Variants in SLC24A2 observed in about 807,000 individuals in gnomAD.
The protein encoded by SLC24A2 is solute carrier family 24 member 2.
A neutral mutation model predicts 62.0 loss-of-function variants in SLC24A2; 36 were observed. That is an observed-to-expected ratio of 0.58 (90% CI 0.44 to 0.77). SLC24A2 has a LOEUF of 0.77. Ranked by LOEUF, SLC24A2 falls within the 30% of genes least tolerant of loss-of-function variation. The probability of loss-of-function intolerance (pLI) is 0.00; values close to 1 mark genes in which losing one functional copy is unlikely to be tolerated. For missense variants in SLC24A2, 846 were observed against 817.9 expected (o/e 1.03, Z -0.42); for synonymous variants, 358 against 294.0 (o/e 1.22, Z -2.23).
chr9:19,693,222 A>G (rs1015558027), intron 2 of SLC24A2, among the ~76,000 whole-genome samples: 11 of 152,156 alleles, frequency 7.2e-5, no homozygotes, highest in Non-Finnish European at 1.0e-4. Context: ...TCATGCTGCT[A>G]TAAAGACACA....
the SLC24A2 span, among the ~76,000 whole-genome samples, chr9:20,297,808 C>G: frequency 6.6e-6 from 1 of 152,346 alleles, no homozygotes; most frequent in South Asian, 2.1e-4. Flanking sequence ...TGTGTTTATA[C>G]TCCCAGGGAC....
intron 9 of SLC24A2, among the ~76,000 whole-genome samples, chr9:19,526,190 T>A (rs985369354): frequency 2.0e-5 from 3 of 152,250 alleles, no homozygotes; most frequent in African/African-American, 7.2e-5. Flanking sequence ...GTACTTCATT[T>A]CTTTGTACTG....
intron 4 of SLC24A2, among the ~76,000 whole-genome samples, chr9:19,605,890 G>A (rs1483759254): frequency 1.3e-5 from 2 of 152,276 alleles, no homozygotes; most frequent in African/African-American, 4.8e-5. Context: ...CAGCTAGTAA[G>A]AGGCAGAACT....
At chr9:20,292,820 G>A in the SLC24A2 span, among the ~76,000 whole-genome samples, 2 of 152,196 alleles carry the variant, frequency 1.3e-5, no homozygotes, top group African/African-American at 4.8e-5. Flanking sequence ...AAACTCCTGG[G>A]CTCAAGCAAT....
chr9:19,550,301 C>CA, intron 7 of SLC24A2, 33 bp from the exon 8 acceptor site: 2 of 1,609,700 alleles, frequency 1.2e-6, no homozygotes, highest in South Asian at 1.1e-5. Flanking sequence ...ATTAAACAAA[C>CA]AAAAAAATAA....
chr9:19,875,725 G>T, the SLC24A2 span, among the ~76,000 whole-genome samples: 12 of 152,286 alleles, frequency 7.9e-5, no homozygotes, highest in African/African-American at 2.9e-4. Flanking sequence ...TATAGTGGTT[G>T]CATCCAGTTG....
intron 4 of SLC24A2, among the ~76,000 whole-genome samples, chr9:19,597,510 C>A (rs1836733504): frequency 6.6e-6 from 1 of 152,160 alleles, no homozygotes; most frequent in African/African-American, 2.4e-5. Context: ...CCCTGCATTA[C>A]AGAATAGGGC....
chr9:19,571,146 T>C lies in SLC24A2; in HGVS notation c.1347+2205A>G, dbSNP rs377082734. 1.4e-4 allele frequency among the ~76,000 whole-genome samples: 21 copies of C among 152,244 alleles called. No individual in the cohort carries two copies. In the East Asian group the frequency reaches 2.7e-3, roughly 20 times the overall value. On this transcript the variant is annotated intron_variant, in intron 7 of 10. Transcript: ENST00000341998. ...TGTGCCATCCCCAAGGGCAGCCAGATGTCCTTGGGGCCTGCCTCCTGCTGC... is the reference window on the plus strand; with the variant it reads ...TGTGCCATCCCCAAGGGCAGCCAGACGTCCTTGGGGCCTGCCTCCTGCTGC...
intron 5 of SLC24A2, among the ~76,000 whole-genome samples, chr9:19,594,958 C>T (rs562222483): frequency 2.0e-5 from 3 of 152,200 alleles, no homozygotes; most frequent in African/African-American, 7.2e-5. Flanking sequence ...TGCAACTTTA[C>T]ATGGCTGGAT....
chr9:19,895,985 C>T, the SLC24A2 span: 14 of 1,594,042 alleles, frequency 8.8e-6, no homozygotes, highest in South Asian at 1.2e-4. Context: ...TGCTCAGGGA[C>T]ACAAGGTGCC....
intron 2 of SLC24A2, among the ~76,000 whole-genome samples, chr9:19,648,921 T>G (rs1818717899): frequency 6.8e-6 from 1 of 147,956 alleles, no homozygotes; most frequent in African/African-American, 2.5e-5. Flanking sequence ...AAAGCTGATT[T>G]CACTCAAACT....
At chr9:19,644,658 G>T (rs1341450681) in intron 2 of SLC24A2, among the ~76,000 whole-genome samples, 1 of 151,882 alleles carries the variant, frequency 6.6e-6, no homozygotes, top group Non-Finnish European at 1.5e-5. Context: ...TGTTTTCCTC[G>T]CTTGACCTTG....
At position 19,788,722 on chromosome 9, in the gene SLC24A2, G is replaced by T. The variant is rs1044650256; in HGVS notation, c.-154+163C>A. On this transcript the variant is annotated intron_variant, in intron 1 of 10. Coordinates refer to ENST00000341998, the MANE Select transcript of SLC24A2 (RefSeq NM_020344.4). ...GGGGGCTCCAAATCCACGCCCCGGA[G>T]CACAGAGAGTTGGCTAACTCCTAGC... 1.2e-4 allele frequency: 117 copies of T among 985,414 alleles called. 1 individual carries two copies. The East Asian group carries it at 2.5e-3, about 21-fold the overall frequency. The allele number at this position is 985,414 out of a possible 1,614,324, so 61.0% of individuals were successfully genotyped here.
chr9:19,534,164 T>TGG (rs914480041), intron 8 of SLC24A2, among the ~76,000 whole-genome samples: 2 of 152,128 alleles, frequency 1.3e-5, no homozygotes, highest in Non-Finnish European at 2.9e-5. Context: ...TAATCAGCTG[T>TGG]GGGGGGAAAA....
chr9:19,865,944 A>G, the SLC24A2 span, among the ~76,000 whole-genome samples: 1 of 152,244 alleles, frequency 6.6e-6, no homozygotes. Context: ...TTTGCAAACT[A>G]GCCATCTGAC....
At chr9:20,020,565 C>T in the SLC24A2 span, among the ~76,000 whole-genome samples, 2 of 151,998 alleles carry the variant, frequency 1.3e-5, no homozygotes, top group Admixed American at 6.6e-5. Flanking sequence ...ACACTGGGGC[C>T]TGTCAGCAGG....
At chr9:20,009,225 G>T in the SLC24A2 span, among the ~76,000 whole-genome samples, 1 of 151,962 alleles carries the variant, frequency 6.6e-6, no homozygotes, top group Admixed American at 6.6e-5. Flanking sequence ...TAACAGCAGG[G>T]CTATACCACC....
chr9:20,306,271 G>T, the SLC24A2 span, among the ~76,000 whole-genome samples: 3 of 152,084 alleles, frequency 2.0e-5, no homozygotes, highest in African/African-American at 7.2e-5. Context: ...AAATAACCAC[G>T]AAATTGGCAA....
In SLC24A2 at chr9:19,547,668, A is replaced by G. The variant is rs1248064326; in HGVS notation, c.1479+2469T>C. ...CCTGCACATCTTCCTGAGTGCCTCAATGGTTGTATGCAAACATCCTCTCAT... is the reference window on the plus strand; with the variant it reads ...CCTGCACATCTTCCTGAGTGCCTCAGTGGTTGTATGCAAACATCCTCTCAT... On this transcript the variant is annotated intron_variant, in intron 8 of 10. Transcript: ENST00000341998. 3.3e-5 allele frequency among the ~76,000 whole-genome samples: 5 copies of G among 151,432 alleles called. 1 individual carries two copies. The highest frequency in any genetic ancestry group is 3.9e-4 in the East Asian group (2 of 5,188).
Sources: allele counts gnomAD v4.1 joint callset (sites outside exome capture counted in the v4.1 genomes callset), GRCh38; gene constraint gnomAD v4.1.1; transcripts MANE v1.5; gene names NCBI Gene and HGNC (gene_info 2026-07-23, HGNC 2026-07-21).